The following SNCAIP variants were observed in gnomAD, a reference collection of about 807,000 sequenced individuals.
The protein encoded by SNCAIP is synphilin-1.
SNCAIP carries 43 observed loss-of-function variants against 86.7 expected under a neutral mutation model. The ratio of observed to expected loss-of-function variants is 0.50; its 90% CI spans 0.39 to 0.64. SNCAIP has a LOEUF of 0.64. Ranked by LOEUF, SNCAIP falls within the 30% of genes least tolerant of loss-of-function variation. SNCAIP has a pLI of 0.00. For missense variants in SNCAIP, 981 were observed against 1,103.1 expected (o/e 0.89, Z 1.57); for synonymous variants, 417 against 427.2 (o/e 0.98, Z 0.29).
In SNCAIP at chr5:122,428,428, T is replaced by C. The variant is rs1172406982; in HGVS notation, c.1182+2897T>C. Among the ~76,000 whole-genome samples the C allele has an allele frequency of 1.1e-4, 17 of 152,294 alleles. No homozygotes were observed. The East Asian group carries it at 3.3e-3, about 29-fold the overall frequency. On this transcript the variant is annotated intron_variant, in intron 5 of 10. Transcript: ENST00000261368. ...CCTTTCTAACAGCATTTTGTTTAAG[T>C]GTTGCCTCCTTGAATAACTAGAACT...
chr5:122,377,597 G>C (rs970812520), intron 1 of SNCAIP, among the ~76,000 whole-genome samples: 1 of 151,754 alleles, frequency 6.6e-6, no homozygotes, highest in African/African-American at 2.4e-5. Context: ...GTGCAGGTTA[G>C]TTACATATGT....
At chr5:122,358,903 A>T (rs1376834595) in intron 1 of SNCAIP, among the ~76,000 whole-genome samples, 1 of 152,228 alleles carries the variant, frequency 6.6e-6, no homozygotes, top group African/African-American at 2.4e-5. Flanking sequence ...ACTTCTGAAT[A>T]TATGTAATAA....
In SNCAIP at chr5:122,391,178, G is replaced by A. The variant is rs752695893; in HGVS notation, c.44G>A (p.Ser15Asn). Residue 15 changes from serine to asparagine, a missense_variant, in exon 2 of 11, where the codon AGT (serine) becomes AAT (asparagine). By Grantham distance (46) the Ser-to-Asn change is conservative. Coordinates refer to ENST00000261368, the MANE Select transcript of SNCAIP (RefSeq NM_005460.4). ...CTTGATTTGGATGAAATTGACTTTA[G>A]TGATGACATATCTGTAAGTACCACT... is the stretch of plus-strand genomic sequence containing the variant. ...EYLDLDEIDF[S>N]DDISYSVTSL... 6 of 1,608,194 alleles carry A rather than the reference G, an allele frequency of 3.7e-6. No individual in the cohort carries two copies. The East Asian group carries it at 1.1e-4, about 30-fold the overall frequency.
At chr5:122,390,489 G>A (rs1769119043) in intron 1 of SNCAIP, among the ~76,000 whole-genome samples, 1 of 152,166 alleles carries the variant, frequency 6.6e-6, no homozygotes, top group African/African-American at 2.4e-5. Context: ...GAGGCAGAGG[G>A]CAGTGCAATA....
In SNCAIP at chr5:122,463,834, A is replaced by G. The variant is rs182258314; in HGVS notation, c.*338A>G. 1.1e-3 allele frequency: 332 copies of G among 291,950 alleles called. 1 individual carries two copies. The highest frequency in any genetic ancestry group is 6.6e-3 in the African/African-American group (306 of 46,032). 18.1% of individuals were successfully genotyped at this position (291,950 alleles called of 1,614,324 possible). On this transcript the variant is annotated 3_prime_UTR_variant, in exon 11 of 11. Coordinates refer to ENST00000261368, the MANE Select transcript of SNCAIP (RefSeq NM_005460.4). The stretch of plus-strand genomic sequence containing the variant: ...ATGTTTTTTAAGAGTAGATTGATTC[A>G]CCCTACCCACAGGACATTCACCAAG...
At chr5:122,355,734 A>T (rs531954077) in intron 1 of SNCAIP, among the ~76,000 whole-genome samples, 2 of 152,178 alleles carry the variant, frequency 1.3e-5, no homozygotes, top group Admixed American at 1.3e-4. Flanking sequence ...TTCCCACACT[A>T]TGCCAGTTGT....
intron 1 of SNCAIP, among the ~76,000 whole-genome samples, chr5:122,354,207 T>G (rs995353362): frequency 3.9e-5 from 6 of 152,222 alleles, no homozygotes; most frequent in African/African-American, 9.6e-5. Flanking sequence ...CACATTAATC[T>G]TCCTATTTCA....
At chr5:122,385,524 G>A (rs1260457527) in intron 1 of SNCAIP, among the ~76,000 whole-genome samples, 1 of 152,148 alleles carries the variant, frequency 6.6e-6, no homozygotes, top group African/African-American at 2.4e-5. Context: ...GCCAACTGGG[G>A]ACAACATTTC....
At position 122,381,364 on chromosome 5, in the gene SNCAIP, C is replaced by G. The variant is rs1766750705; in HGVS notation, c.-46-9725C>G. Among the ~76,000 whole-genome samples, 5 of 137,170 alleles carry G rather than the reference C, an allele frequency of 3.6e-5. No homozygotes were observed. The South Asian group carries it at 1.3e-3, about 35-fold the overall frequency. The allele number at this position is 137,170 out of a possible 152,430, so 90.0% of individuals were successfully genotyped here. ...TTTTATCAGAGACTAGGATTGCAAC[C>G]CCTGCCTTTTTTTGTTTTCCATTTG... On this transcript the variant is annotated intron_variant, in intron 1 of 10. Transcript: ENST00000261368.
At chr5:122,400,476 G>GCA (rs1250047149) in intron 2 of SNCAIP, among the ~76,000 whole-genome samples, 1 of 152,202 alleles carries the variant, frequency 6.6e-6, no homozygotes, top group African/African-American at 2.4e-5. Flanking sequence ...TGTGTGCCAT[G>GCA]CACATATACA....
At chr5:122,371,645 G>C (rs1367876406) in intron 1 of SNCAIP, 1 of 152,158 alleles carries the variant, frequency 6.6e-6, no homozygotes, top group African/African-American at 2.4e-5. Flanking sequence ...ACAGAAATCT[G>C]CAATCTGACG....
At chr5:122,406,411 C>T (rs1772999280) in intron 3 of SNCAIP, among the ~76,000 whole-genome samples, 1 of 152,174 alleles carries the variant, frequency 6.6e-6, no homozygotes, top group African/African-American at 2.4e-5. Context: ...GGGGCACTCT[C>T]AGGGGAAACT....
intron 1 of SNCAIP, among the ~76,000 whole-genome samples, chr5:122,367,925 C>T (rs1001842625): frequency 1.3e-5 from 2 of 151,976 alleles, no homozygotes; most frequent in African/African-American, 4.8e-5. Context: ...TACATACACA[C>T]ATAGGTCTAT....
chr5:122,317,184 A>G (rs1296270332), intron 1 of SNCAIP, among the ~76,000 whole-genome samples: 1 of 152,136 alleles, frequency 6.6e-6, no homozygotes, highest in Non-Finnish European at 1.5e-5. Context: ...TTTTAAATCC[A>G]CCACTCATAA....
At chr5:122,400,054 G>T (rs1409980772) in intron 2 of SNCAIP, among the ~76,000 whole-genome samples, 1 of 152,062 alleles carries the variant, frequency 6.6e-6, no homozygotes, top group African/African-American at 2.4e-5. Flanking sequence ...AGGCAAAGCT[G>T]GAAGAATTAA....
intron 1 of SNCAIP, among the ~76,000 whole-genome samples, chr5:122,383,135 C>T (rs1347911420): frequency 1.3e-5 from 2 of 152,200 alleles, no homozygotes; most frequent in African/African-American, 2.4e-5. Context: ...CGCCCCTCCC[C>T]CAGCCTCGCT....
At chr5:122,441,040 A>G (rs1036127964) in intron 7 of SNCAIP, 1 of 341,950 alleles carries the variant, frequency 2.9e-6, no homozygotes, top group African/African-American at 2.1e-5. Flanking sequence ...ATAGACATTA[A>G]ATTTCCCCAT....
chr5:122,401,235 A>G (rs1014390043), intron 2 of SNCAIP: 2 of 1,076,842 alleles, frequency 1.9e-6, no homozygotes, highest in African/African-American at 3.2e-5. Context: ...CACAATGCAT[A>G]CTTGTAAGGG....
chr5:122,391,449 T>G (rs573434610), intron 2 of SNCAIP, among the ~76,000 whole-genome samples: 107 of 152,342 alleles, frequency 7.0e-4, no homozygotes, highest in African/African-American at 2.5e-3. Flanking sequence ...GTTCCAATGT[T>G]GTCAAAACTA....
Sources: allele counts gnomAD v4.1 joint callset (sites outside exome capture counted in the v4.1 genomes callset), GRCh38; gene constraint gnomAD v4.1.1; transcripts MANE v1.5; gene names NCBI Gene and HGNC (gene_info 2026-07-23, HGNC 2026-07-21).